Variants in DNAJB4 observed in about 807,000 individuals in gnomAD.
DNAJB4 encodes DnaJ heat shock protein family (Hsp40) member B4.
Under a neutral mutation model 26.6 loss-of-function variants are expected in DNAJB4, and 10 were observed. The ratio of observed to expected loss-of-function variants is 0.38; its 90% CI spans 0.23 to 0.64. The LOEUF is 0.64. DNAJB4 is among the 30% of genes least tolerant of loss of function. The pLI, the probability that DNAJB4 is intolerant of heterozygous loss-of-function variation, is 0.58. For missense variants in DNAJB4, 328 were observed against 408.2 expected (o/e 0.80, Z 1.69); for synonymous variants, 136 against 134.8 (o/e 1.01, Z -0.06).
intron 1 of DNAJB4, among the ~76,000 whole-genome samples, chr1:77,987,032 T>C (rs905352596): frequency 6.6e-6 from 1 of 152,212 alleles, no homozygotes; most frequent in African/African-American, 2.4e-5. Flanking sequence ...GCCAATCTTA[T>C]TAACCTTGTC....
chr1:77,997,665 T>C (rs1660094859), intron 1 of DNAJB4, among the ~76,000 whole-genome samples: 1 of 152,182 alleles, frequency 6.6e-6, no homozygotes, highest in South Asian at 2.1e-4. Context: ...TGATCCAAAT[T>C]GCAAATTCTC....
At chr1:78,012,504 A>G (rs1660514045) in intron 1 of DNAJB4, among the ~76,000 whole-genome samples, 1 of 151,928 alleles carries the variant, frequency 6.6e-6, no homozygotes, top group Non-Finnish European at 1.5e-5. Context: ...AAGAATCAGG[A>G]ATAAATATTA....
At chr1:77,989,195 CAG>C (rs1386524265) in intron 1 of DNAJB4, among the ~76,000 whole-genome samples, 17 of 152,186 alleles carry the variant, frequency 1.1e-4, no homozygotes, top group African/African-American at 3.9e-4. Flanking sequence ...CTTTTGCTCT[CAG>C]AGCCCACCTC....
chr1:77,983,332 T>C (rs201047600), intron 1 of DNAJB4, among the ~76,000 whole-genome samples: 13 of 152,046 alleles, frequency 8.6e-5, no homozygotes, highest in African/African-American at 2.2e-4. Flanking sequence ...TGCCCAGGGA[T>C]GGGCAGGAGA....
At chr1:77,992,337 C>T (rs1248504365) in intron 1 of DNAJB4, among the ~76,000 whole-genome samples, 7 of 123,342 alleles carry the variant, frequency 5.7e-5, no homozygotes, top group East Asian at 2.7e-4. Context: ...GGCGTGAACC[C>T]GGGAGGCGGA....
intron 1 of DNAJB4, among the ~76,000 whole-genome samples, chr1:77,990,454 T>C (rs1187937759): frequency 6.6e-6 from 1 of 152,204 alleles, no homozygotes; most frequent in Non-Finnish European, 1.5e-5. Context: ...GTTGTGTTGG[T>C]TTTTGGTGAG....
At position 78,016,549 on chromosome 1, in the gene DNAJB4, A is replaced by G. The variant is rs1488382300; in HGVS notation, c.*302A>G. 3.5e-6 allele frequency: 1 copy of G among 286,812 alleles called. No individual in the cohort carries two copies. Among genetic ancestry groups the G allele is most frequent in the African/African-American group, 2.2e-5 (1 of 45,314 alleles). The allele number at this position is 286,812 out of a possible 1,614,324, so 17.8% of individuals were successfully genotyped here. A position where few individuals can be genotyped will look rare whatever the true frequency, so the allele number is the denominator to read the frequency against. On this transcript the variant is annotated 3_prime_UTR_variant, in exon 3 of 3. Coordinates refer to ENST00000370763, the MANE Select transcript of DNAJB4 (RefSeq NM_007034.5). ...GTGGATATATTTCTAATGAAGTGCTAGACTATCCAATTACTTAATTTCTTA... is the reference window on the plus strand; with the variant it reads ...GTGGATATATTTCTAATGAAGTGCTGGACTATCCAATTACTTAATTTCTTA...
At chr1:77,986,233 C>G (rs781557857) in intron 1 of DNAJB4, among the ~76,000 whole-genome samples, 1 of 152,158 alleles carries the variant, frequency 6.6e-6, no homozygotes, top group Non-Finnish European at 1.5e-5. Flanking sequence ...AGATCACATA[C>G]CACTGAATCC....
upstream of DNAJB4, chr1:78,004,256 C>G (rs1660262731): frequency 6.6e-6 from 1 of 152,128 alleles, no homozygotes. Context: ...AGTTCAGATA[C>G]TAAAATTTCA....
intron 1 of DNAJB4, among the ~76,000 whole-genome samples, chr1:78,006,377 T>C (rs1451830199): frequency 6.6e-6 from 1 of 152,182 alleles, no homozygotes; most frequent in African/African-American, 2.4e-5. Context: ...TATTTTATTA[T>C]TAGTTTTTCT....
At chr1:78,002,433 T>G (rs1660214735), upstream of DNAJB4, among the ~76,000 whole-genome samples, 1 of 152,224 alleles carries the variant, frequency 6.6e-6, no homozygotes, top group Non-Finnish European at 1.5e-5. Flanking sequence ...GTAAAATATC[T>G]CCAAAATGCT....
chr1:78,014,237 A>C (rs1370380178), intron 2 of DNAJB4, among the ~76,000 whole-genome samples: 2 of 151,224 alleles, frequency 1.3e-5, no homozygotes, highest in Non-Finnish European at 2.9e-5. Context: ...CCTCCTAAGT[A>C]GCTGGGATTA....
intron 1 of DNAJB4, among the ~76,000 whole-genome samples, chr1:77,999,148 G>C (rs1309449470): frequency 6.6e-6 from 1 of 152,056 alleles, no homozygotes; most frequent in Non-Finnish European, 1.5e-5. Flanking sequence ...TTATTAAATG[G>C]CCAATAATTT....
chr1:78,006,806 A>G (rs908618895), intron 1 of DNAJB4, among the ~76,000 whole-genome samples: 2 of 152,252 alleles, frequency 1.3e-5, no homozygotes, highest in Non-Finnish European at 2.9e-5. Context: ...GATACTACCA[A>G]TAATGTACTA....
At chr1:77,991,638 C>T (rs1446728104) in intron 1 of DNAJB4, among the ~76,000 whole-genome samples, 1 of 152,144 alleles carries the variant, frequency 6.6e-6, no homozygotes, top group African/African-American at 2.4e-5. Flanking sequence ...AGTGGTCTGC[C>T]CTCATGTTTC....
intron 1 of DNAJB4, among the ~76,000 whole-genome samples, chr1:77,996,824 T>C (rs756987577): frequency 5.3e-5 from 8 of 152,206 alleles, no homozygotes; most frequent in Admixed American, 6.5e-5. Flanking sequence ...TGCCATCTTA[T>C]GTTGGTGCTC....
At chr1:78,015,913 G>A (rs976882051) in intron 2 of DNAJB4, 101 bp from the exon 3 acceptor site, 5 of 1,005,860 alleles carry the variant, frequency 5.0e-6, no homozygotes, top group African/African-American at 1.6e-5. Context: ...GGAGGTTAAA[G>A]TTTTACCTTA....
At chr1:77,979,790 T>C (rs186587742), upstream of DNAJB4, among the ~76,000 whole-genome samples, 1 of 152,340 alleles carries the variant, frequency 6.6e-6, no homozygotes, top group Admixed American at 6.5e-5. Flanking sequence ...CTTTTCTTTA[T>C]CCAAAAACGT....
At chr1:78,004,366 G>A (rs958834932), upstream of DNAJB4, 15 of 152,150 alleles carry the variant, frequency 9.9e-5, no homozygotes, top group East Asian at 5.8e-4. Context: ...TTAAAATAAC[G>A]CATTTGAATT....
Sources: gnomAD v4.1 joint callset for allele counts (sites outside exome capture counted in the v4.1 genomes callset) on GRCh38, gnomAD v4.1.1 for gene constraint, MANE v1.5 for transcripts, NCBI Gene and HGNC (gene_info 2026-07-23, HGNC 2026-07-21) for gene names.